Variants in ETV6 observed in about 807,000 individuals in gnomAD.
ETV6 encodes the protein transcription factor ETV6.
Under a neutral mutation model 51.1 loss-of-function variants are expected in ETV6, and 16 were observed. The observed-to-expected ratio is 0.31, with a 90% CI of 0.21 to 0.48. ETV6 has a LOEUF of 0.48. Among genes scored for constraint, ETV6 ranks in the 20% least tolerant of loss-of-function variants. The probability of loss-of-function intolerance (pLI) is 0.99; values close to 1 mark genes in which losing one functional copy is unlikely to be tolerated. For missense variants in ETV6, 458 were observed against 594.8 expected (o/e 0.77, Z 2.39); for synonymous variants, 240 against 224.1 (o/e 1.07, Z -0.64).
chr12:11,650,344 T>TG (rs1555109433), intron 1 of ETV6, among the ~76,000 whole-genome samples, 184 bp downstream of exon 1: 5 of 127,496 alleles, frequency 3.9e-5, no homozygotes, highest in East Asian at 2.3e-4. Flanking sequence ...ACCTTGCTAC[T>TG]CCCCCCCACC....
intron 1 of ETV6, among the ~76,000 whole-genome samples, chr12:11,671,934 C>T (rs1458879000): frequency 3.3e-5 from 2 of 60,502 alleles, no homozygotes; most frequent in Admixed American, 4.3e-4. Flanking sequence ...GTTTTTAGGT[C>T]ATGTGAAAAA....
intron 1 of ETV6, among the ~76,000 whole-genome samples, chr12:11,671,844 G>A (rs1362388698): frequency 6.6e-6 from 1 of 151,942 alleles, no homozygotes; most frequent in Admixed American, 6.6e-5. Flanking sequence ...ATAACAGATT[G>A]GTTCAAGTCA....
At chr12:11,670,821 G>T (rs1368803282) in intron 1 of ETV6, among the ~76,000 whole-genome samples, 3 of 152,214 alleles carry the variant, frequency 2.0e-5, no homozygotes, top group African/African-American at 7.2e-5. Flanking sequence ...CCTAAAGCAT[G>T]ACATTTCAGT....
intron 2 of ETV6, among the ~76,000 whole-genome samples, chr12:11,808,225 CTGT>C (rs1156625641): frequency 2.0e-5 from 3 of 152,204 alleles, no homozygotes; most frequent in African/African-American, 4.8e-5. Flanking sequence ...GCCCCATAAG[CTGT>C]TGTTGTCATG....
In ETV6 at chr12:11,892,605, C is replaced by A; in HGVS notation, c.*1559C>A. 4.3e-6 allele frequency: 1 copy of A among 232,580 alleles called. No homozygotes were observed. The highest frequency in any genetic ancestry group is 8.5e-6 in the Non-Finnish European group (1 of 117,844). 14.4% of individuals were successfully genotyped at this position (232,580 alleles called of 1,614,324 possible). On this transcript the variant is annotated 3_prime_UTR_variant, in exon 8 of 8. Coordinates refer to ENST00000396373, the MANE Select transcript of ETV6 (RefSeq NM_001987.5). ...ACAATTTCTTTTAATCCAGATTACA[C>A]CTGCCTTACAAAGCACCCCCTCCTT... is the stretch of plus-strand genomic sequence containing the variant.
intron 2 of ETV6, among the ~76,000 whole-genome samples, chr12:11,791,832 G>A (rs1294349834): frequency 6.6e-6 from 1 of 151,900 alleles, no homozygotes; most frequent in Non-Finnish European, 1.5e-5. Flanking sequence ...CTCAAACCCA[G>A]CTGCACAACA....
chr12:11,816,535 T>C lies in ETV6; in HGVS notation c.164-22605T>C, dbSNP rs911242466. On this transcript the variant is annotated intron_variant, in intron 2 of 7. Coordinates refer to ENST00000396373, the MANE Select transcript of ETV6 (RefSeq NM_001987.5). ...TGCTGGGATTACAGGTGTGAGCCAC[T>C]GCGCCCGGCCAGCTTTATGTTTTTA... 8.5e-5 allele frequency among the ~76,000 whole-genome samples: 13 copies of C among 152,338 alleles called. No homozygotes were observed. The East Asian group carries it at 2.1e-3, about 25-fold the overall frequency.
chr12:11,681,337 G>A (rs964989715), intron 1 of ETV6, among the ~76,000 whole-genome samples: 5 of 152,082 alleles, frequency 3.3e-5, no homozygotes, highest in African/African-American at 1.2e-4. Flanking sequence ...CAAATTTCAT[G>A]CCCCTTTCTG....
At chr12:11,817,227 T>A (rs1946006583) in intron 2 of ETV6, among the ~76,000 whole-genome samples, 1 of 152,342 alleles carries the variant, frequency 6.6e-6, no homozygotes, top group East Asian at 1.9e-4. Context: ...TGAAAGTGTC[T>A]CCAACGCACC....
At chr12:11,846,388 A>G (rs929330513) in intron 3 of ETV6, among the ~76,000 whole-genome samples, 2 of 152,222 alleles carry the variant, frequency 1.3e-5, no homozygotes, top group African/African-American at 2.4e-5. Flanking sequence ...GATTTTAACA[A>G]TGTTAGGGTT....
At chr12:11,686,375 G>A (rs1864628714) in intron 1 of ETV6, among the ~76,000 whole-genome samples, 1 of 152,214 alleles carries the variant, frequency 6.6e-6, no homozygotes, top group African/African-American at 2.4e-5. Flanking sequence ...CAAAGGTGAA[G>A]TAGGAAATTA....
intron 1 of ETV6, among the ~76,000 whole-genome samples, chr12:11,713,905 C>A (rs972360493): frequency 6.6e-6 from 1 of 152,160 alleles, no homozygotes; most frequent in African/African-American, 2.4e-5. Flanking sequence ...CCAGGAGATT[C>A]CTATGTGCAA....
chr12:11,847,361 G>A (rs760873720), intron 3 of ETV6, among the ~76,000 whole-genome samples: 30 of 152,096 alleles, frequency 2.0e-4, no homozygotes, highest in Non-Finnish European at 3.4e-4. Flanking sequence ...AGGAGATCAC[G>A]GAATGTGGTT....
At chr12:11,875,870 C>T (rs971513415) in intron 5 of ETV6, among the ~76,000 whole-genome samples, 34 of 152,192 alleles carry the variant, frequency 2.2e-4, no homozygotes, top group African/African-American at 8.2e-4. Context: ...ATGTCTGCTT[C>T]CATGCTGCAG....
In ETV6 at chr12:11,737,511, A is replaced by C. The variant is rs80175165; in HGVS notation, c.34-14939A>C. ...CTGTCATGTAGATGAGACACGTTAG[A>C]GGCAAGCCTCTGAAAATTAGATTGA... On this transcript the variant is annotated intron_variant, in intron 1 of 7. Coordinates refer to ENST00000396373, the MANE Select transcript of ETV6 (RefSeq NM_001987.5). Among the ~76,000 whole-genome samples, 45 of 152,352 alleles carry C rather than the reference A, an allele frequency of 3.0e-4. No homozygotes were observed. The East Asian group carries it at 8.3e-3, about 28-fold the overall frequency.
At position 11,770,811 on chromosome 12, in the gene ETV6, G is replaced by A. The variant is rs558763249; in HGVS notation, c.163+18232G>A. ...GTTATTCAGGAGACTGAGGCAGGAG[G>A]ATTGCTTGATCCCATGAGTTCAAGG... On this transcript the variant is annotated intron_variant, in intron 2 of 7. Transcript: ENST00000396373. Among the ~76,000 whole-genome samples the A allele has an allele frequency of 3.9e-5, 6 of 152,184 alleles. No individual in the cohort carries two copies. The South Asian group carries it at 1.2e-3, about 32-fold the overall frequency.
chr12:11,655,284 G>A (rs966507542), intron 1 of ETV6, among the ~76,000 whole-genome samples: 1 of 152,034 alleles, frequency 6.6e-6, no homozygotes. Flanking sequence ...TTCAGGTAAG[G>A]GTCCACCACT....
intron 2 of ETV6, among the ~76,000 whole-genome samples, chr12:11,816,008 C>T (rs184901919): frequency 3.7e-4 from 56 of 152,228 alleles, no homozygotes; most frequent in Admixed American, 1.3e-3. Flanking sequence ...AAGGAATATC[C>T]GTATATTTTG....
intron 5 of ETV6, among the ~76,000 whole-genome samples, chr12:11,883,603 T>C (rs1947140507): frequency 6.6e-6 from 1 of 152,108 alleles, no homozygotes; most frequent in Admixed American, 6.5e-5. Flanking sequence ...CCATGTCTTC[T>C]CTTTTAATTT....
Sources: allele counts gnomAD v4.1 joint callset (sites outside exome capture counted in the v4.1 genomes callset), GRCh38; gene constraint gnomAD v4.1.1; transcripts MANE v1.5; gene names NCBI Gene and HGNC (gene_info 2026-07-23, HGNC 2026-07-21).